DHRSX: variants seen among roughly 807,000 people sequenced by gnomAD.
The protein encoded by DHRSX is polyprenol dehydrogenase.
DHRSX carries 31 observed loss-of-function variants against 34.0 expected under a neutral mutation model. That is an observed-to-expected ratio of 0.91 (90% confidence interval 0.69 to 1.23). The LOEUF is 1.23. DHRSX is among the 50% of genes most tolerant of loss of function. The pLI is 0.00. For synonymous variants in DHRSX, 201 were observed against 183.8 expected (o/e 1.09, Z -0.76); for missense variants, 414 against 428.1 (o/e 0.97, Z 0.29).
In DHRSX at chrX:2,375,488, G is replaced by A. The variant is rs1224362240; in HGVS notation, c.286+33257C>T. On this transcript the variant is annotated intron_variant, in intron 3 of 6. Transcript: ENST00000334651. ...CTGGGCACACGCCGTGTGGATGCCC[G>A]TTTTCTTCCTCCTAGGGGAGAATCC... 4.3e-5 allele frequency among the ~76,000 whole-genome samples: 6 copies of A among 137,950 alleles called. No homozygotes were observed. The South Asian group carries it at 6.9e-4, about 16-fold the overall frequency. 90.5% of individuals were successfully genotyped at this position (137,950 alleles called of 152,430 possible). A position where few individuals can be genotyped will look rare whatever the true frequency, so the allele number is the denominator to read the frequency against.
rs750431406 is a variant in DHRSX at position 2,436,618 on chromosome X, T to A, written c.110-11314A>T. Among the ~76,000 whole-genome samples, 273 of 150,854 alleles carry A rather than the reference T, an allele frequency of 1.8e-3. 1 individual carries two copies. Among genetic ancestry groups the A allele is most frequent in the Non-Finnish European group, 2.5e-3 (171 of 67,614 alleles). On this transcript the variant is annotated intron_variant, in intron 1 of 6. Transcript: ENST00000334651. ...AAGCAATCCTCCTGCCTCAGCCTCC[T>A]AGGCAGCTGGGACTACAGGCACGTG...
In DHRSX at chrX:2,455,741, CA is replaced by C. The variant is rs752123891; in HGVS notation, c.110-30438del. 8.2e-3 allele frequency among the ~76,000 whole-genome samples: 489 copies of C among 59,800 alleles called. 1 individual carries two copies. Among genetic ancestry groups the C allele is most frequent in the Middle Eastern group, 0.021 (2 of 96 alleles). 39.2% of individuals were successfully genotyped at this position (59,800 alleles called of 152,430 possible). A position where few individuals can be genotyped will look rare whatever the true frequency, so the allele number is the denominator to read the frequency against. ...TGGCGACAAGAACAAAACTTCGTCT[CA>C]AAAAAAAAAAAAAAAAAAACAATAA... is the stretch of plus-strand genomic sequence containing the variant. On this transcript the variant is annotated intron_variant, in intron 1 of 6. Coordinates refer to ENST00000334651, the MANE Select transcript of DHRSX (RefSeq NM_145177.3).
At chrX:2,392,657 A>G (rs1419507591) in intron 3 of DHRSX, among the ~76,000 whole-genome samples, 1 of 146,120 alleles carries the variant, frequency 6.8e-6, no homozygotes, top group Non-Finnish European at 1.5e-5. Context: ...AGTATGATAT[A>G]TATAAAATAA....
chrX:2,358,836 C>G (rs1211851932), intron 3 of DHRSX, among the ~76,000 whole-genome samples: 1 of 151,812 alleles, frequency 6.6e-6, no homozygotes, highest in African/African-American at 2.4e-5. Context: ...AAAACCAAAG[C>G]TACTTGCGAG....
At chrX:2,253,986 G>A (rs62595493) in intron 5 of DHRSX, among the ~76,000 whole-genome samples, 19,936 of 151,966 alleles carry the variant, frequency 0.13, 1,825 homozygotes, top group Non-Finnish European at 0.19. Context: ...GCGTGAACCC[G>A]GAAGGCGGAG....
At chrX:2,340,396 C>CAT (rs2042625303) in intron 3 of DHRSX, among the ~76,000 whole-genome samples, 1 of 151,902 alleles carries the variant, frequency 6.6e-6, no homozygotes, top group South Asian at 2.1e-4. Flanking sequence ...GCTGTTAATT[C>CAT]ATTCTTTTTT....
intron 1 of DHRSX, among the ~76,000 whole-genome samples, chrX:2,474,474 G>A (rs1174055641): frequency 6.6e-6 from 1 of 150,672 alleles, no homozygotes; most frequent in African/African-American, 2.4e-5. Context: ...CCAAAAGACG[G>A]CACTGAAGAC....
intron 1 of DHRSX, among the ~76,000 whole-genome samples, chrX:2,469,130 A>G (rs1231302129): frequency 6.6e-6 from 1 of 151,486 alleles, no homozygotes; most frequent in Non-Finnish European, 1.5e-5. Flanking sequence ...TTCCCTAACA[A>G]TGCGCCCAAG....
chrX:2,440,228 T>A (rs1454843355), intron 1 of DHRSX, among the ~76,000 whole-genome samples: 1 of 152,078 alleles, frequency 6.6e-6, no homozygotes, highest in Non-Finnish European at 1.5e-5. Flanking sequence ...TGAGACAAGG[T>A]CTCACTCTTT....
chrX:2,294,784 A>C (rs1311497252), intron 3 of DHRSX, among the ~76,000 whole-genome samples: 1 of 145,706 alleles, frequency 6.9e-6, no homozygotes, highest in Non-Finnish European at 1.5e-5. Context: ...GAGAGAGAGG[A>C]AAAAGAGAGG....
At chrX:2,244,883 T>C (rs966092860) in intron 5 of DHRSX, among the ~76,000 whole-genome samples, 4 of 152,036 alleles carry the variant, frequency 2.6e-5, no homozygotes, top group Middle Eastern at 3.4e-3. Flanking sequence ...GCTAATTTTT[T>C]GTATTTTTAG....
chrX:2,302,877 A>G (rs2124506282), intron 3 of DHRSX, among the ~76,000 whole-genome samples: 1 of 152,140 alleles, frequency 6.6e-6, no homozygotes, highest in East Asian at 1.9e-4. Flanking sequence ...ATTCATTTTT[A>G]TTGTATCTAC....
intron 3 of DHRSX, among the ~76,000 whole-genome samples, chrX:2,394,727 G>A (rs1189498163): frequency 6.6e-6 from 1 of 152,132 alleles, no homozygotes; most frequent in East Asian, 1.9e-4. Flanking sequence ...TTAGATGGGC[G>A]TGGTGGCACG....
chrX:2,416,476 C>T (rs912072565), intron 2 of DHRSX, among the ~76,000 whole-genome samples: 1 of 152,182 alleles, frequency 6.6e-6, no homozygotes, highest in African/African-American at 2.4e-5. Context: ...TGCGGCTAAA[C>T]CTGGCCTGCA....
At chrX:2,275,883 C>T (rs1442942002) in intron 4 of DHRSX, among the ~76,000 whole-genome samples, 5 of 151,442 alleles carry the variant, frequency 3.3e-5, no homozygotes, top group Admixed American at 1.3e-4. Context: ...CTCACTCTGT[C>T]GCTAGGCTGG....
intron 1 of DHRSX, among the ~76,000 whole-genome samples, chrX:2,437,147 G>A (rs1267922542): frequency 5.9e-5 from 9 of 152,030 alleles, no homozygotes; most frequent in East Asian, 1.9e-4. Flanking sequence ...ACAGGTGCCC[G>A]CCACCACACC....
At chrX:2,396,375 C>CTTTTCT (rs2043409385) in intron 3 of DHRSX, among the ~76,000 whole-genome samples, 2 of 99,224 alleles carry the variant, frequency 2.0e-5, no homozygotes, top group Non-Finnish European at 3.8e-5. Flanking sequence ...CTTTCTTTTT[C>CTTTTCT]TTTTTTTTTT....
rs148936037 is a variant in DHRSX, at chrX:2,249,131, T to C, written c.597-5901A>G. On this transcript the variant is annotated intron_variant, in intron 5 of 6. Coordinates refer to ENST00000334651, the MANE Select transcript of DHRSX (RefSeq NM_145177.3). ...CCAAAGGAAGGGCGTGCACATACATTTGCACATCTTTTGGGAGAGCAACTT... is the reference window on the plus strand; with the variant it reads ...CCAAAGGAAGGGCGTGCACATACATCTGCACATCTTTTGGGAGAGCAACTT... Among the ~76,000 whole-genome samples the C allele has an allele frequency of 8.2e-3, 1,241 of 151,950 alleles. 15 individuals carry two copies. The highest frequency in any genetic ancestry group is 0.028 in the African/African-American group (1,173 of 41,442).
At chrX:2,478,224 G>A (rs1298429226) in intron 1 of DHRSX, among the ~76,000 whole-genome samples, 3 of 152,316 alleles carry the variant, frequency 2.0e-5, no homozygotes, top group East Asian at 3.9e-4. Context: ...CTGGGATGGC[G>A]AGGTGCAGAG....
Sources: allele counts gnomAD v4.1 joint callset (sites outside exome capture counted in the v4.1 genomes callset), GRCh38; gene constraint gnomAD v4.1.1; transcripts MANE v1.5; gene names NCBI Gene and HGNC (gene_info 2026-07-23, HGNC 2026-07-21).